Variants in MCTP2 observed in about 807,000 individuals in gnomAD.
MCTP2 encodes multiple C2 and transmembrane domain containing 2, also known as multiple C2 and transmembrane domain-containing protein 2.
MCTP2 carries 132 observed loss-of-function variants against 111.6 expected under a neutral mutation model. The observed-to-expected ratio is 1.18, with a 90% confidence interval of 1.03 to 1.37. The LOEUF (loss-of-function observed/expected upper bound fraction) is 1.37, where lower values mean the gene tolerates loss of function less well. Ranked by LOEUF, MCTP2 falls within the 40% of genes most tolerant of loss-of-function variation. The pLI is 0.00. For missense variants in MCTP2, 1,183 were observed against 1,067.9 expected, an observed-to-expected ratio of 1.11 and a Z score of -1.50; for synonymous variants, 395 against 387.7, an observed-to-expected ratio of 1.02 and a Z score of -0.22.
chr15:94,380,276 T>A (rs1328816422), intron 12 of MCTP2, among the ~76,000 whole-genome samples: 1 of 152,086 alleles, frequency 6.6e-6, no homozygotes, highest in African/African-American at 2.4e-5. Context: ...AACAGCAATA[T>A]ACAATTGGAG....
chr15:94,352,941 A>G (rs941507816), intron 8 of MCTP2, among the ~76,000 whole-genome samples: 1 of 152,234 alleles, frequency 6.6e-6, no homozygotes, highest in African/African-American at 2.4e-5. Context: ...TCTTTAAAGT[A>G]CACCTCCTCC....
chr15:94,461,234 C>T lies in MCTP2; in HGVS notation c.2360+2988C>T, dbSNP rs184994308. Among the ~76,000 whole-genome samples the T allele has an allele frequency of 3.7e-4, 56 of 152,110 alleles. 1 individual carries two copies. Among genetic ancestry groups the T allele is most frequent in the South Asian group, 3.5e-3 (17 of 4,816 alleles). On this transcript the variant is annotated intron_variant, in intron 20 of 22. Coordinates refer to ENST00000357742, the MANE Select transcript of MCTP2 (RefSeq NM_001385001.1). The stretch of plus-strand genomic sequence containing the variant: ...CAGCACTTTGGGAGGCTGAGGTGGG[C>T]GGATCACCTGAGGTCAGGAGTTCGA...
chr15:94,384,103 A>C lies in MCTP2; in HGVS notation c.1664A>C (p.Glu555Ala). 1 of 1,613,520 alleles carries C rather than the reference A, an allele frequency of 6.2e-7. No individual in the cohort carries two copies. The highest frequency in any genetic ancestry group is 1.7e-5 in the Admixed American group (1 of 60,008). Residue 555 changes from glutamate to alanine, a missense_variant, in exon 13 of 23, where the codon GAA becomes GCA. Coordinates refer to ENST00000357742, the MANE Select transcript of MCTP2 (RefSeq NM_001385001.1). ...ACCGTCTACAAAAACCTCAACCCTG[A>C]ATGGAACAAAGTTTTTACATTGTAA... ...THTVYKNLNPEWNKVFTFPIK... is the reference protein window; with the variant it reads ...THTVYKNLNPAWNKVFTFPIK...
chr15:94,336,806 A>G (rs927000424), intron 4 of MCTP2, among the ~76,000 whole-genome samples: 1 of 151,980 alleles, frequency 6.6e-6, no homozygotes, highest in African/African-American at 2.4e-5. Context: ...ATGGAGCAGG[A>G]CACTCAGGCC....
At chr15:94,338,488 A>ATTT (rs201502636) in intron 4 of MCTP2, among the ~76,000 whole-genome samples, 46 of 134,182 alleles carry the variant, frequency 3.4e-4, no homozygotes, top group Middle Eastern at 4.1e-3. Context: ...GTTTGCAGGC[A>ATTT]TTTTTTTTTT....
At chr15:94,458,092 A>G (rs1939855908) in intron 19 of MCTP2, 45 bp from the exon 20 acceptor site, 1 of 1,079,124 alleles carries the variant, frequency 9.3e-7, no homozygotes, top group East Asian at 2.4e-5. Context: ...TCAGCATGAT[A>G]AAAAATGAAG....
At chr15:94,463,619 TTTAG>T (rs1433026984) in intron 20 of MCTP2, among the ~76,000 whole-genome samples, 2 of 152,188 alleles carry the variant, frequency 1.3e-5, no homozygotes, top group African/African-American at 4.8e-5. Flanking sequence ...TACAGTGTGG[TTTAG>T]AATTGGTATT....
intron 1 of MCTP2, among the ~76,000 whole-genome samples, chr15:94,249,675 C>T (rs551610733): frequency 7.2e-5 from 11 of 152,048 alleles, no homozygotes; most frequent in Admixed American, 1.3e-4. Context: ...TTAGTAGAGA[C>T]GGGGTTTCAC....
chr15:94,410,611 A>G (rs1340308614), intron 17 of MCTP2, among the ~76,000 whole-genome samples: 1 of 152,162 alleles, frequency 6.6e-6, no homozygotes, highest in South Asian at 2.1e-4. Context: ...GTCATGTGTT[A>G]TATAGTTATG....
chr15:94,279,290 C>G (rs1439046595), intron 1 of MCTP2, among the ~76,000 whole-genome samples: 3 of 152,106 alleles, frequency 2.0e-5, no homozygotes, highest in Non-Finnish European at 4.4e-5. Flanking sequence ...TCTCTGACTT[C>G]TTTTAGCAGT....
chr15:94,317,529 C>A (rs1473331114), intron 4 of MCTP2, among the ~76,000 whole-genome samples: 1 of 152,192 alleles, frequency 6.6e-6, no homozygotes, highest in Non-Finnish European at 1.5e-5. Flanking sequence ...CAGTGCTGGC[C>A]CATCCAGCTC....
intron 19 of MCTP2, among the ~76,000 whole-genome samples, chr15:94,447,582 G>A (rs982709284): frequency 5.9e-5 from 9 of 152,050 alleles, no homozygotes; most frequent in South Asian, 2.1e-4. Flanking sequence ...TTACCACGTC[G>A]GCCAGGCTGG....
intron 1 of MCTP2, among the ~76,000 whole-genome samples, chr15:94,295,583 C>G (rs568822297): frequency 3.3e-5 from 5 of 152,246 alleles, no homozygotes; most frequent in African/African-American, 1.2e-4. Context: ...GGGTCATTCC[C>G]AAACTTCAAT....
At chr15:94,459,572 C>T (rs947734293) in intron 20 of MCTP2, among the ~76,000 whole-genome samples, 5 of 152,144 alleles carry the variant, frequency 3.3e-5, no homozygotes, top group African/African-American at 9.7e-5. Context: ...TTTTTGCTCA[C>T]AGATATGATG....
At chr15:94,245,586 A>C (rs560200867) in intron 1 of MCTP2, among the ~76,000 whole-genome samples, 1 of 144,912 alleles carries the variant, frequency 6.9e-6, no homozygotes, top group African/African-American at 2.5e-5. Context: ...ACGTATATGT[A>C]CATATACGTA....
chr15:94,392,056 A>T (rs2081009143), intron 14 of MCTP2, among the ~76,000 whole-genome samples: 1 of 152,176 alleles, frequency 6.6e-6, no homozygotes, highest in Admixed American at 6.5e-5. Flanking sequence ...TTAGGGGTAA[A>T]AAAAAGATTG....
intron 2 of MCTP2, among the ~76,000 whole-genome samples, chr15:94,310,382 A>G (rs1425098139): frequency 6.6e-6 from 1 of 152,220 alleles, no homozygotes; most frequent in Admixed American, 6.5e-5. Flanking sequence ...GAACTGTTCT[A>G]TTATTATGAT....
intron 14 of MCTP2, among the ~76,000 whole-genome samples, chr15:94,387,706 C>T (rs2080594114): frequency 6.6e-6 from 1 of 152,120 alleles, no homozygotes; most frequent in Non-Finnish European, 1.5e-5. Flanking sequence ...TAGCAGGAAA[C>T]AATGCATAAA....
chr15:94,336,138 G>C (rs12912567), intron 4 of MCTP2, among the ~76,000 whole-genome samples: 36,241 of 151,928 alleles, frequency 0.24, 4,672 homozygotes, highest in Non-Finnish European at 0.26. Flanking sequence ...TTAATCTCTG[G>C]ATAGATTGAA....
Sources: gnomAD v4.1 joint callset for allele counts (sites outside exome capture counted in the v4.1 genomes callset) on GRCh38, gnomAD v4.1.1 for gene constraint, MANE v1.5 for transcripts, NCBI Gene and HGNC (gene_info 2026-07-23, HGNC 2026-07-21) for gene names.